The following FOXP1 variants were observed in gnomAD, a reference collection of about 807,000 sequenced individuals.
FOXP1 encodes the protein forkhead box protein P1.
In FOXP1, 15 loss-of-function variants were observed where a neutral mutation model predicts 98.2. The ratio of observed to expected loss-of-function variants is 0.15; its 90% CI spans 0.10 to 0.24. The LOEUF is 0.24. FOXP1 is among the 10% of genes least tolerant of loss of function. The pLI is 1.00. For synonymous variants in FOXP1, 371 were observed against 314.5 expected, an observed-to-expected ratio of 1.18 and a Z score of -1.90; for missense variants, 633 against 848.5, an observed-to-expected ratio of 0.75 and a Z score of 3.15.
chr3:71,153,515 A>G (rs548795365), intron 6 of FOXP1, among the ~76,000 whole-genome samples: 1 of 144,548 alleles, frequency 6.9e-6, no homozygotes, highest in South Asian at 2.2e-4. Context: ...AATCATCTTG[A>G]CCCCACCTAA....
At chr3:71,180,760 A>C (rs190867766) in intron 6 of FOXP1, among the ~76,000 whole-genome samples, 145 of 152,310 alleles carry the variant, frequency 9.5e-4, no homozygotes, top group Non-Finnish European at 2.8e-4. Flanking sequence ...GCGTAATGCC[A>C]GTAAAAGTTG....
intron 3 of FOXP1, among the ~76,000 whole-genome samples, chr3:71,440,212 C>T (rs539170724): frequency 2.0e-5 from 3 of 152,174 alleles, no homozygotes; most frequent in South Asian, 4.2e-4. Flanking sequence ...ACAACTAAAC[C>T]TTACACTTCA....
At chr3:71,369,834 G>C (rs1403487252) in intron 3 of FOXP1, among the ~76,000 whole-genome samples, 1 of 152,296 alleles carries the variant, frequency 6.6e-6, no homozygotes, top group East Asian at 1.9e-4. Flanking sequence ...ACCACCACAT[G>C]CCAGACACTA....
chr3:71,174,923 T>C (rs1035667955), intron 6 of FOXP1, among the ~76,000 whole-genome samples: 1 of 151,338 alleles, frequency 6.6e-6, no homozygotes, highest in Non-Finnish European at 1.5e-5. Context: ...ATGTTTTTTT[T>C]TTTTTTTGAG....
chr3:71,221,740 T>C (rs1410846196), intron 5 of FOXP1, among the ~76,000 whole-genome samples: 1 of 152,216 alleles, frequency 6.6e-6, no homozygotes, highest in Non-Finnish European at 1.5e-5. Flanking sequence ...CTTTCCTCCA[T>C]GCAGCTAAGC....
chr3:71,500,604 T>A (rs1018745557), intron 2 of FOXP1, among the ~76,000 whole-genome samples: 1 of 152,224 alleles, frequency 6.6e-6, no homozygotes, highest in African/African-American at 2.4e-5. Flanking sequence ...TCTGGATGAA[T>A]GGAGAGACTT....
intron 6 of FOXP1, among the ~76,000 whole-genome samples, chr3:71,144,271 G>A (rs901398415): frequency 2.0e-5 from 3 of 152,186 alleles, no homozygotes; most frequent in African/African-American, 7.2e-5. Context: ...ACTAGTGTAT[G>A]TACTGAACTC....
intron 12 of FOXP1, among the ~76,000 whole-genome samples, chr3:71,005,354 G>C (rs2042668794): frequency 8.2e-6 from 1 of 121,560 alleles, no homozygotes; most frequent in Admixed American, 8.8e-5. Context: ...AGAATCATAA[G>C]GAGTGCCCTT....
intron 4 of FOXP1, among the ~76,000 whole-genome samples, chr3:71,351,263 C>T (rs972033817): frequency 6.6e-6 from 1 of 152,100 alleles, no homozygotes; most frequent in Non-Finnish European, 1.5e-5. Context: ...GTTCCACAAT[C>T]TGACTTTTCA....
At chr3:71,247,794 A>G (rs2107001291) in intron 5 of FOXP1, among the ~76,000 whole-genome samples, 1 of 152,324 alleles carries the variant, frequency 6.6e-6, no homozygotes, top group Admixed American at 6.5e-5. Flanking sequence ...GGGTGGAGCC[A>G]TAACCCAAGT....
chr3:70,987,971 C>T (rs376054146), intron 14 of FOXP1, 23 bp downstream of exon 14: 28 of 1,610,658 alleles, frequency 1.7e-5, no homozygotes, highest in Non-Finnish European at 2.4e-5. Context: ...GTTTTTTTCC[C>T]CTTGGTGGGG....
Position 71,411,311 on chromosome 3 carries a change from GTGTGTGTA to G in FOXP1, c.-167-52075_-167-52068del, listed in dbSNP as rs1421026160. Among the ~76,000 whole-genome samples, 1,165 of 134,770 alleles carry G rather than the reference GTGTGTGTA, an allele frequency of 8.6e-3. 10 individuals carry two copies. Among genetic ancestry groups the G allele is most frequent in the Middle Eastern group, 0.015 (4 of 268 alleles). 88.4% of individuals were successfully genotyped at this position (134,770 alleles called of 152,430 possible). ...TGTGTGTGTGTGTGTGTGTGTGTGT[GTGTGTGTA>G]TGTGTGTGTGTGAGTGACGGAGTCT... On this transcript the variant is annotated intron_variant, in intron 3 of 20. Transcript: ENST00000649528.
chr3:71,526,271 C>T (rs2043375712), intron 2 of FOXP1, among the ~76,000 whole-genome samples: 1 of 152,202 alleles, frequency 6.6e-6, no homozygotes, highest in African/African-American at 2.4e-5. Flanking sequence ...TTCCTTCTGC[C>T]TCACCTTCAG....
chr3:71,235,494 G>A (rs1651356456), intron 5 of FOXP1, among the ~76,000 whole-genome samples: 1 of 152,138 alleles, frequency 6.6e-6, no homozygotes, highest in African/African-American at 2.4e-5. Context: ...CCTGAAGTCA[G>A]GGAGCCCACC....
chr3:71,500,747 G>A (rs2041276027), intron 2 of FOXP1, among the ~76,000 whole-genome samples: 2 of 152,260 alleles, frequency 1.3e-5, no homozygotes, highest in African/African-American at 4.8e-5. Context: ...TCGTTCCTCT[G>A]CCAACAGCCC....
At chr3:71,470,221 T>A (rs2089197468) in intron 3 of FOXP1, among the ~76,000 whole-genome samples, 1 of 152,174 alleles carries the variant, frequency 6.6e-6, no homozygotes. Flanking sequence ...TTATTTAACA[T>A]CTCCTTAACC....
chr3:71,427,885 T>C (rs1560470421), intron 3 of FOXP1, among the ~76,000 whole-genome samples: 1 of 152,158 alleles, frequency 6.6e-6, no homozygotes, highest in African/African-American at 2.4e-5. Context: ...GAAATGCCTA[T>C]GTGGAGATCT....
Position 71,581,966 on chromosome 3 carries a change from G to A in FOXP1, c.-446-269C>T, listed in dbSNP as rs1240507573. 1.0e-5 allele frequency: 10 copies of A among 957,904 alleles called. No individual in the cohort carries two copies. The African/African-American group carries it at 1.4e-4, about 14-fold the overall frequency. The allele number at this position is 957,904 out of a possible 1,614,324, so 59.3% of individuals were successfully genotyped here. ...AAGTTGCAACAACAAAAAGGAGGGG[G>A]GAGGAATAGGGAGAAGGGGGTGGGA... is the stretch of plus-strand genomic sequence containing the variant. On this transcript the variant is annotated intron_variant, in intron 1 of 20. Coordinates refer to ENST00000649528, the MANE Select transcript of FOXP1 (RefSeq NM_001349338.3).
intron 3 of FOXP1, among the ~76,000 whole-genome samples, chr3:71,490,352 G>T (rs532311738): frequency 4.6e-4 from 70 of 152,260 alleles, no homozygotes; most frequent in African/African-American, 1.6e-3. Flanking sequence ...ACAAAAATTA[G>T]CTGGGTGTGG....
Sources: allele counts gnomAD v4.1 joint callset (sites outside exome capture counted in the v4.1 genomes callset), GRCh38; gene constraint gnomAD v4.1.1; transcripts MANE v1.5; gene names NCBI Gene and HGNC (gene_info 2026-07-23, HGNC 2026-07-21).